The following CEP83 variants were observed in gnomAD, a reference collection of about 807,000 sequenced individuals.
CEP83 encodes the protein centrosomal protein 83, also known as centrosomal protein of 83 kDa.
A neutral mutation model predicts 101.9 loss-of-function variants in CEP83; 70 were observed. That is an observed-to-expected ratio of 0.69 (90% CI 0.57 to 0.84). The LOEUF is 0.84. Ranked by LOEUF, CEP83 falls within the 40% of genes least tolerant of loss-of-function variation. CEP83 has a pLI of 0.00. For synonymous variants in CEP83, 264 were observed against 267.9 expected (o/e 0.99, Z 0.14); for missense variants, 715 against 787.2 (o/e 0.91, Z 1.10).
At chr12:94,288,788 C>G in the CEP83 span, among the ~76,000 whole-genome samples, 2 of 152,330 alleles carry the variant, frequency 1.3e-5, no homozygotes, top group East Asian at 3.9e-4. Context: ...AATATTGGCA[C>G]GTGGCTGCTG....
rs186409678 is a variant in CEP83 at position 94,427,354 on chromosome 12, G to C, written c.-102+7921C>G. Among the ~76,000 whole-genome samples the C allele has an allele frequency of 1.1e-3, 163 of 152,376 alleles. 1 individual carries two copies. Among genetic ancestry groups the C allele is most frequent in the Middle Eastern group, 3.4e-3 (1 of 294 alleles). Reference sequence around the variant, plus strand: ...ATTATCTCGATTGGCCTGTTAATCAGTGAGCACTTGTTGGGCTAGTCTCAG... The same window carrying C: ...ATTATCTCGATTGGCCTGTTAATCACTGAGCACTTGTTGGGCTAGTCTCAG... On this transcript the variant is annotated intron_variant, in intron 2 of 16. Transcript: ENST00000397809.
chr12:94,401,307 G>A (rs2063240924), intron 5 of CEP83: 1 of 155,316 alleles, frequency 6.4e-6, no homozygotes, highest in Non-Finnish European at 1.4e-5. Context: ...ATGTAAGAAT[G>A]TAGCACACCT....
chr12:94,381,822 G>C (rs552825484), intron 6 of CEP83, among the ~76,000 whole-genome samples: 1 of 152,128 alleles, frequency 6.6e-6, no homozygotes, highest in Admixed American at 6.5e-5. Flanking sequence ...AACTTTTTCA[G>C]ATAATGGCAG....
intron 1 of CEP83, among the ~76,000 whole-genome samples, chr12:94,441,421 A>G (rs1341233348): frequency 6.6e-6 from 1 of 152,250 alleles, no homozygotes; most frequent in Non-Finnish European, 1.5e-5. Flanking sequence ...ATATGAAAAA[A>G]TGTTCAACAT....
the CEP83 span, among the ~76,000 whole-genome samples, chr12:94,293,988 C>G: frequency 6.6e-6 from 1 of 152,050 alleles, no homozygotes; most frequent in Admixed American, 6.6e-5. Flanking sequence ...TAGTCACCTC[C>G]CAAAGGCCCT....
At chr12:94,439,187 A>T (rs990941775) in intron 1 of CEP83, among the ~76,000 whole-genome samples, 2 of 152,202 alleles carry the variant, frequency 1.3e-5, no homozygotes, top group Admixed American at 6.5e-5. Context: ...AACTAAATGA[A>T]ATTGAAACAC....
At chr12:94,289,567 C>T in the CEP83 span, among the ~76,000 whole-genome samples, 6 of 152,112 alleles carry the variant, frequency 3.9e-5, no homozygotes, top group Admixed American at 2.6e-4. Flanking sequence ...GACTAGGGGA[C>T]GATTAATGAG....
intron 2 of CEP83, among the ~76,000 whole-genome samples, chr12:94,418,372 G>GA (rs2064454658): frequency 6.6e-6 from 1 of 151,566 alleles, no homozygotes; most frequent in East Asian, 1.9e-4. Context: ...AAAAAGAAAA[G>GA]AAAAAAATAC....
the CEP83 span, among the ~76,000 whole-genome samples, chr12:94,286,945 C>A: frequency 0.026 from 3,937 of 152,248 alleles, 184 homozygotes; most frequent in African/African-American, 0.091. Context: ...CTAGATGCAG[C>A]CCCCAGAGCC....
At chr12:94,394,293 CA>C (rs2062748010) in intron 6 of CEP83, among the ~76,000 whole-genome samples, 1 of 152,108 alleles carries the variant, frequency 6.6e-6, no homozygotes, top group Admixed American at 6.5e-5. Context: ...ACCAATGGAA[CA>C]GAACAGAGGC....
chr12:94,400,631 C>G lies in CEP83; in HGVS notation c.549+219G>C, dbSNP rs78900139. On this transcript the variant is annotated intron_variant, in intron 6 of 16. Coordinates refer to ENST00000397809, the MANE Select transcript of CEP83 (RefSeq NM_016122.3). ...AAGTTGTCTATCTCCATTGGCTGGA[C>G]AAAATAAAGGATAAATAGAATTTAA... Among the ~76,000 whole-genome samples, 14,764 of 150,908 alleles carry G rather than the reference C, an allele frequency of 0.098. 853 individuals carry two copies. Among genetic ancestry groups the G allele is most frequent in the Non-Finnish European group, 0.13 (8,479 of 67,646 alleles).
intron 6 of CEP83, among the ~76,000 whole-genome samples, chr12:94,380,071 C>CAAAAAAAAAAAAAAAAAACAAAAAAAA: frequency 1.2e-5 from 1 of 83,194 alleles, no homozygotes; most frequent in South Asian, 4.1e-4. Context: ...CCCGGCCCTG[C>CAAAAAAAAAAAAAAAAAACAAAAAAAA]AAAAAAAAAA....
At chr12:94,343,536 G>A (rs1461359647) in intron 11 of CEP83, among the ~76,000 whole-genome samples, 1 of 129,678 alleles carries the variant, frequency 7.7e-6, no homozygotes, top group African/African-American at 3.0e-5. Context: ...AGGCCGGACT[G>A]CGGACTGCAG....
the CEP83 span, among the ~76,000 whole-genome samples, chr12:94,284,594 T>C: frequency 3.3e-5 from 5 of 152,122 alleles, no homozygotes; most frequent in Admixed American, 6.5e-5. Context: ...ATAGCAGTCC[T>C]ACGAGATAGG....
At chr12:94,380,171 C>T (rs1286090618) in intron 6 of CEP83, among the ~76,000 whole-genome samples, 2 of 151,548 alleles carry the variant, frequency 1.3e-5, no homozygotes, top group Non-Finnish European at 2.9e-5. Flanking sequence ...TGTTTGATCA[C>T]AGCACTATCA....
At chr12:94,385,513 GT>G (rs1400609049) in intron 6 of CEP83, among the ~76,000 whole-genome samples, 5 of 152,144 alleles carry the variant, frequency 3.3e-5, no homozygotes, top group Non-Finnish European at 7.4e-5. Flanking sequence ...TCTTTGTCTG[GT>G]TTTGGTATTA....
At chr12:94,410,292 G>A (rs2063799513) in intron 4 of CEP83, among the ~76,000 whole-genome samples, 1 of 152,148 alleles carries the variant, frequency 6.6e-6, no homozygotes, top group African/African-American at 2.4e-5. Context: ...TGGAAAGTAT[G>A]GCAGTAAAAA....
downstream of CEP83, chr12:94,305,511 T>C: frequency 4.3e-6 from 2 of 460,608 alleles, no homozygotes; most frequent in Non-Finnish European, 7.8e-6. Context: ...GTTGAAGTGG[T>C]TGTTGCAAAC....
In CEP83 at chr12:94,379,005, T is replaced by C. The variant is rs772202501; in HGVS notation, c.587A>G (p.Asn196Ser). The change falls in exon 7 of 17, where the codon AAC becomes AGC. Residue 196 changes from asparagine to serine, a missense_variant. Physicochemically the swap from Asn to Ser is conservative, Grantham distance 46. Coordinates refer to ENST00000397809, the MANE Select transcript of CEP83 (RefSeq NM_016122.3). Reference sequence around the variant, plus strand: ...TGTGAGATCAACATTAAGCAGCTGGTTACGTAGTTCTTCTTTATCTTCCTC... The same window carrying C: ...TGTGAGATCAACATTAAGCAGCTGGCTACGTAGTTCTTCTTTATCTTCCTC... ...RLEEDKEELRNQLLNVDLTKD... is the reference protein window; with the variant it reads ...RLEEDKEELRSQLLNVDLTKD... 3.7e-6 allele frequency: 6 copies of C among 1,612,218 alleles called. No homozygotes were observed. In the East Asian group the frequency reaches 1.1e-4, roughly 30 times the overall value.
Sources: gnomAD v4.1 joint callset for allele counts (sites outside exome capture counted in the v4.1 genomes callset) on GRCh38, gnomAD v4.1.1 for gene constraint, MANE v1.5 for transcripts, NCBI Gene and HGNC (gene_info 2026-07-23, HGNC 2026-07-21) for gene names.